The following MPDZ variants were observed in gnomAD, a reference collection of about 807,000 sequenced individuals.
The protein encoded by MPDZ is multiple PDZ domain protein.
A neutral mutation model predicts 239.1 loss-of-function variants in MPDZ; 234 were observed. That is an observed-to-expected ratio of 0.98 (90% CI 0.88 to 1.09). The LOEUF is 1.09. Among genes scored for constraint, MPDZ ranks in the 50% least tolerant of loss-of-function variants. The pLI is 0.00. For synonymous variants in MPDZ, 1,048 were observed against 881.3 expected (o/e 1.19, Z -3.35); for missense variants, 3,175 against 2,510.0 (o/e 1.26, Z -5.66).
rs139636740 is a variant in MPDZ, at chr9:13,167,365, G to A, written c.3254+1001C>T. Among the ~76,000 whole-genome samples, 407 of 152,130 alleles carry A rather than the reference G, an allele frequency of 2.7e-3. 5 individuals are homozygous for A. Among genetic ancestry groups the A allele is most frequent in the African/African-American group, 9.3e-3 (387 of 41,532 alleles). The stretch of plus-strand genomic sequence containing the variant: ...ATGAAAGCCCATTAGTGAAGATTTT[G>A]CCTAAAAATAATACTTTTTATATAA... On this transcript the variant is annotated intron_variant, in intron 22 of 46. Coordinates refer to ENST00000319217, the MANE Select transcript of MPDZ (RefSeq NM_001378778.1).
intron 39 of MPDZ, among the ~76,000 whole-genome samples, chr9:13,117,517 C>T (rs1372109153): frequency 7.4e-6 from 1 of 134,814 alleles, no homozygotes; most frequent in Admixed American, 7.7e-5. Context: ...GGCAACAGAG[C>T]GGGACTCCGT....
intron 1 of MPDZ, among the ~76,000 whole-genome samples, chr9:13,274,332 C>G (rs1473836209): frequency 7.3e-5 from 11 of 151,078 alleles, no homozygotes; most frequent in Admixed American, 2.0e-4. Flanking sequence ...TCACTTTCCC[C>G]TCATGCACTT....
rs1328334444 is a variant in MPDZ at position 13,234,371 on chromosome 9, T to A, written c.184-9788A>T. Reference sequence around the variant, plus strand: ...AGTTGTTAAGTGAAAAGAAAGTTAATATTAATAGCTTTGTTTTAGTGGTTA... The same window carrying A: ...AGTTGTTAAGTGAAAAGAAAGTTAAAATTAATAGCTTTGTTTTAGTGGTTA... On this transcript the variant is annotated intron_variant, in intron 3 of 46. Coordinates refer to ENST00000319217, the MANE Select transcript of MPDZ (RefSeq NM_001378778.1). 2.6e-5 allele frequency among the ~76,000 whole-genome samples: 4 copies of A among 152,118 alleles called. No individual in the cohort carries two copies. The East Asian group carries it at 5.8e-4, about 22-fold the overall frequency.
At chr9:13,268,478 T>C (rs1564170042) in intron 1 of MPDZ, among the ~76,000 whole-genome samples, 2 of 152,112 alleles carry the variant, frequency 1.3e-5, no homozygotes, top group Non-Finnish European at 2.9e-5. Flanking sequence ...CTGAAGCATA[T>C]GACAAAAGAA....
chr9:13,211,374 A>T (rs1030038138), intron 10 of MPDZ, among the ~76,000 whole-genome samples: 1 of 152,110 alleles, frequency 6.6e-6, no homozygotes, highest in African/African-American at 2.4e-5. Context: ...TCACCAACTA[A>T]ATAGTCAAAA....
intron 1 of MPDZ, among the ~76,000 whole-genome samples, chr9:13,265,469 TGA>T (rs1971578802): frequency 2.0e-5 from 3 of 152,138 alleles, no homozygotes; most frequent in Admixed American, 2.0e-4. Flanking sequence ...CTGGGGAGGC[TGA>T]GGCAGCAGAA....
chr9:13,198,866 T>G (rs551450312), intron 12 of MPDZ, among the ~76,000 whole-genome samples: 1 of 151,830 alleles, frequency 6.6e-6, no homozygotes, highest in African/African-American at 2.4e-5. Context: ...TAGACTGCTT[T>G]GGCTATTTGG....
At chr9:13,233,409 C>T (rs1354558111) in intron 3 of MPDZ, among the ~76,000 whole-genome samples, 1 of 151,972 alleles carries the variant, frequency 6.6e-6, no homozygotes, top group Non-Finnish European at 1.5e-5. Context: ...AGAAGTCAGG[C>T]ACAAAGCATA....
At chr9:13,148,396 T>A (rs569387614) in intron 25 of MPDZ, among the ~76,000 whole-genome samples, 120 of 152,150 alleles carry the variant, frequency 7.9e-4, no homozygotes, top group Non-Finnish European at 1.4e-3. Flanking sequence ...GTTAGTATCA[T>A]TTTATCATTT....
At chr9:13,219,882 A>C (rs1040688899) in intron 7 of MPDZ, 114 bp from the exon 8 acceptor site, 2 of 992,160 alleles carry the variant, frequency 2.0e-6, no homozygotes, top group African/African-American at 3.3e-5. Flanking sequence ...ACCAATCAGG[A>C]CATAAAATAA....
intron 1 of MPDZ, among the ~76,000 whole-genome samples, chr9:13,268,681 G>C (rs1453511462): frequency 1.3e-5 from 2 of 152,172 alleles, no homozygotes; most frequent in Non-Finnish European, 2.9e-5. Flanking sequence ...GTGTGGAGGA[G>C]AGCAGTAAAG....
At chr9:13,250,193 A>G (rs979036919) in intron 2 of MPDZ, 107 bp downstream of exon 2, 16 of 1,034,886 alleles carry the variant, frequency 1.5e-5, no homozygotes, top group Non-Finnish European at 2.2e-5. Context: ...TTTTAAATCT[A>G]GATACCATAG....
chr9:13,107,400 T>C (rs1941651380), intron 46 of MPDZ, among the ~76,000 whole-genome samples: 1 of 152,140 alleles, frequency 6.6e-6, no homozygotes, highest in African/African-American at 2.4e-5. Flanking sequence ...GGAACACAAA[T>C]TAATAAAGAA....
intron 19 of MPDZ, among the ~76,000 whole-genome samples, chr9:13,182,211 G>A (rs963165827): frequency 4.0e-5 from 6 of 151,708 alleles, no homozygotes; most frequent in Admixed American, 1.3e-4. Context: ...TACATATTTC[G>A]TATATTAAAA....
At chr9:13,263,708 A>C (rs1971201144) in intron 1 of MPDZ, among the ~76,000 whole-genome samples, 1 of 152,190 alleles carries the variant, frequency 6.6e-6, no homozygotes, top group Admixed American at 6.5e-5. Flanking sequence ...TCAACTTCTC[A>C]TCAGAGAGCA....
In MPDZ at chr9:13,205,062, G is replaced by C. The variant is rs999290214; in HGVS notation, c.1520C>G (p.Thr507Ser). The change falls in exon 12 of 47, where the codon ACC becomes AGC. Residue 507 changes from threonine to serine, a missense_variant. Thr to Ser is a moderately conservative substitution (Grantham distance 58). Coordinates refer to ENST00000319217, the MANE Select transcript of MPDZ (RefSeq NM_001378778.1). ...TTCTTCTTCAGTTGGTAATATGTTG[G>C]TGTTTCTCGTCGAAGATAAAAAATC... The part of the protein sequence containing the change: ...DEDFLSSTRN[T>S]NILPTEEEGY... The C allele has an allele frequency of 5.5e-6, 8 of 1,462,462 alleles. No homozygotes were observed. In the African/African-American group the frequency reaches 1.2e-4, roughly 21 times the overall value. 90.6% of individuals were successfully genotyped at this position (1,462,462 alleles called of 1,614,324 possible).
In MPDZ at chr9:13,205,982, G is replaced by A. The variant is rs1956942445; in HGVS notation, c.1408C>T (p.Leu470Phe). The A allele has an allele frequency of 6.2e-7, 1 of 1,611,540 alleles. No individual in the cohort carries two copies. Among genetic ancestry groups the A allele is most frequent in the South Asian group, 1.1e-5 (1 of 90,392 alleles). The change falls in exon 11 of 47, where the codon CTC (leucine) becomes TTC (phenylalanine). Residue 470 changes from leucine to phenylalanine, a missense_variant. Physicochemically the swap from Leu to Phe is conservative, Grantham distance 22. Coordinates refer to ENST00000319217, the MANE Select transcript of MPDZ (RefSeq NM_001378778.1). ...TTTGTGACGTCTTCCCTTGACATGAGCTCGGCTTCCTGCTTCATTCCTCTC... is the reference window on the plus strand; with the variant it reads ...TTTGTGACGTCTTCCCTTGACATGAACTCGGCTTCCTGCTTCATTCCTCTC... ...MRRGMKQEAE[L>F]MSREDVTKDA...
chr9:13,167,457 G>C (rs1404749793), intron 22 of MPDZ, among the ~76,000 whole-genome samples: 1 of 152,050 alleles, frequency 6.6e-6, no homozygotes, highest in African/African-American at 2.4e-5. Flanking sequence ...ATGAAAAACA[G>C]TCTGTACAGC....
intron 1 of MPDZ, among the ~76,000 whole-genome samples, chr9:13,268,067 G>C (rs1972148383): frequency 1.3e-5 from 2 of 152,148 alleles, no homozygotes; most frequent in East Asian, 3.9e-4. Context: ...GGAAGCATTA[G>C]ACATTTATTA....
Sources: gnomAD v4.1 joint callset for allele counts (sites outside exome capture counted in the v4.1 genomes callset) on GRCh38, gnomAD v4.1.1 for gene constraint, MANE v1.5 for transcripts, NCBI Gene and HGNC (gene_info 2026-07-23, HGNC 2026-07-21) for gene names.